SLC6A13: variants seen among roughly 807,000 people sequenced by gnomAD.
SLC6A13 encodes the protein solute carrier family 6 member 13.
A neutral mutation model predicts 72.9 loss-of-function variants in SLC6A13; 69 were observed. That is an observed-to-expected ratio of 0.95 (90% CI 0.78 to 1.16). SLC6A13 has a LOEUF of 1.16. SLC6A13 is among the 50% of genes most tolerant of loss of function. The pLI, the probability that SLC6A13 is intolerant of heterozygous loss-of-function variation, is 0.00. For missense variants in SLC6A13, 735 were observed against 760.5 expected (o/e 0.97, Z 0.39); for synonymous variants, 303 against 303.0 (o/e 1.00, Z 0.00).
chr12:227,733 G>T, intron 7 of SLC6A13, 65 bp from the exon 8 acceptor site: 1 of 1,392,818 alleles, frequency 7.2e-7, no homozygotes, highest in Non-Finnish European at 9.9e-7. Flanking sequence ...GCCATGGGCG[G>T]ACACAGGCAT....
intron 5 of SLC6A13, among the ~76,000 whole-genome samples, chr12:237,672 C>T (rs1941986905): frequency 1.3e-5 from 2 of 152,080 alleles, no homozygotes; most frequent in South Asian, 4.2e-4. Context: ...AGTGAGAGCA[C>T]ATATGCACAC....
chr12:235,962 A>G (rs536837704), intron 6 of SLC6A13, among the ~76,000 whole-genome samples: 14 of 152,240 alleles, frequency 9.2e-5, no homozygotes, highest in Admixed American at 6.5e-4. Flanking sequence ...TAGGGTGGGG[A>G]AAAACTCTGC....
chr12:245,398 T>C (rs909138768), intron 2 of SLC6A13, among the ~76,000 whole-genome samples: 1 of 152,270 alleles, frequency 6.6e-6, no homozygotes, highest in Non-Finnish European at 1.5e-5. Flanking sequence ...AAATACGAAA[T>C]TGGCCGGGTG....
chr12:243,854 C>G lies in SLC6A13; in HGVS notation c.203-41G>C, dbSNP rs1177945137. On this transcript the variant is annotated intron_variant, in intron 2 of 14. Transcript: ENST00000343164. ...AGGCTGTTCATTTCCTGGGACTATTCTCCTCATGGTCTGCATTCACCTCCT... is the reference window on the plus strand; with the variant it reads ...AGGCTGTTCATTTCCTGGGACTATTGTCCTCATGGTCTGCATTCACCTCCT... 1.1e-5 allele frequency: 18 copies of G among 1,601,704 alleles called. No individual in the cohort carries two copies. In the Admixed American group the frequency reaches 3.0e-4, roughly 27 times the overall value.
intron 8 of SLC6A13, 91 bp from the exon 9 acceptor site, chr12:226,605 C>G: frequency 1.4e-6 from 2 of 1,464,280 alleles, no homozygotes. Flanking sequence ...ACAGCCCCTC[C>G]TGGCGGACAC....
chr12:258,945 A>T (rs1591875285), intron 2 of SLC6A13: 3 of 985,628 alleles, frequency 3.0e-6, no homozygotes, highest in Non-Finnish European at 3.6e-6. Context: ...GGAAAAAGAC[A>T]CAAGACCAAG....
At chr12:239,472 C>G (rs935866396) in intron 4 of SLC6A13, among the ~76,000 whole-genome samples, 1 of 152,194 alleles carries the variant, frequency 6.6e-6, no homozygotes. Flanking sequence ...CAGACCAATG[C>G]TGAAGGGGCA....
chr12:233,804 C>T (rs1389545812), intron 7 of SLC6A13, among the ~76,000 whole-genome samples: 1 of 152,078 alleles, frequency 6.6e-6, no homozygotes, highest in Non-Finnish European at 1.5e-5. Flanking sequence ...AGCTGTGAAC[C>T]CAAGAAGGGA....
intron 7 of SLC6A13, among the ~76,000 whole-genome samples, chr12:229,206 A>G (rs1053093490): frequency 4.6e-5 from 7 of 152,202 alleles, no homozygotes; most frequent in Non-Finnish European, 8.8e-5. Context: ...ATGAAATGCA[A>G]GAAAAGGACA....
At chr12:260,839 T>C (rs930518036) in intron 1 of SLC6A13, among the ~76,000 whole-genome samples, 4 of 152,230 alleles carry the variant, frequency 2.6e-5, no homozygotes, top group African/African-American at 7.2e-5. Flanking sequence ...AGTTGGGTTA[T>C]AGGAACATTT....
rs1002524029 is a variant in SLC6A13, at chr12:224,751, G to A, written c.1061-238C>T. Among the ~76,000 whole-genome samples, 48 of 152,200 alleles carry A rather than the reference G, an allele frequency of 3.2e-4. 1 individual carries two copies. Among genetic ancestry groups the A allele is most frequent in the African/African-American group, 1.0e-3 (42 of 41,442 alleles). ...ACTGGCAAGAACAGAATCTAGAGAC[G>A]GTAGGTGTAGAGGGCTGTGGGTCTA... On this transcript the variant is annotated intron_variant, in intron 9 of 14. Coordinates refer to ENST00000343164, the MANE Select transcript of SLC6A13 (RefSeq NM_016615.5).
rs1358037747 is a variant in SLC6A13, at chr12:259,854, C to T, written c.199G>A (p.Gly67Arg). The change falls in exon 2 of 15, where the codon GGA becomes AGA. Residue 67 changes from glycine to arginine, a missense_variant. Physicochemically the swap from Gly to Arg is moderately radical, Grantham distance 125 (BLOSUM62 -2). Transcript: ENST00000343164. Reference protein sequence around the residue: ...RFPYLCYKNGGGAFFIPYLVF... With the variant: ...RFPYLCYKNGRGAFFIPYLVF... The stretch of plus-strand genomic sequence containing the variant: ...GGCACAAGGGCTCTCATCTCACCTC[C>T]CCCATTTTTGTAGCAGAGATAGGGA... 1.9e-6 allele frequency: 3 copies of T among 1,614,088 alleles called. No homozygotes were observed. The highest frequency in any genetic ancestry group is 2.5e-6 in the Non-Finnish European group (3 of 1,180,048).
chr12:251,215 T>C (rs116078782), intron 2 of SLC6A13, among the ~76,000 whole-genome samples: 2,628 of 151,272 alleles, frequency 0.017, 80 homozygotes, highest in African/African-American at 0.06. Context: ...TAATTCCACC[T>C]GGTATTTATA....
At chr12:245,144 AG>A (rs1054441671) in intron 2 of SLC6A13, among the ~76,000 whole-genome samples, 1 of 152,234 alleles carries the variant, frequency 6.6e-6, no homozygotes, top group African/African-American at 2.4e-5. Context: ...GAGAAAACTG[AG>A]GTGAGGGAAA....
intron 4 of SLC6A13, among the ~76,000 whole-genome samples, chr12:240,033 C>T (rs2137292281): frequency 6.6e-6 from 1 of 152,206 alleles, no homozygotes; most frequent in East Asian, 1.9e-4. Flanking sequence ...GAAGCAAAAG[C>T]TCTAGGCCAC....
intron 7 of SLC6A13, among the ~76,000 whole-genome samples, chr12:228,688 C>T (rs1474628670): frequency 2.0e-5 from 3 of 152,172 alleles, no homozygotes; most frequent in Non-Finnish European, 4.4e-5. Context: ...ACCCTCAGCC[C>T]CTACCCCTTG....
intron 2 of SLC6A13, among the ~76,000 whole-genome samples, chr12:251,876 T>C (rs112798888): frequency 6.6e-6 from 1 of 152,036 alleles, no homozygotes; most frequent in Non-Finnish European, 1.5e-5. Flanking sequence ...GGTGGGAAGA[T>C]CATTTGAGCT....
intron 13 of SLC6A13, among the ~76,000 whole-genome samples, chr12:221,844 C>T (rs926251746): frequency 1.3e-5 from 2 of 152,230 alleles, no homozygotes; most frequent in African/African-American, 2.4e-5. Flanking sequence ...ACTACCTCTC[C>T]TGCACCGTGA....
intron 2 of SLC6A13, among the ~76,000 whole-genome samples, chr12:257,956 G>T (rs1046211857): frequency 2.0e-5 from 3 of 152,162 alleles, no homozygotes; most frequent in Admixed American, 2.0e-4. Flanking sequence ...AGCTAAGCTG[G>T]TTACCAGGTT....
Sources: allele counts gnomAD v4.1 joint callset (sites outside exome capture counted in the v4.1 genomes callset), GRCh38; gene constraint gnomAD v4.1.1; transcripts MANE v1.5; gene names NCBI Gene and HGNC (gene_info 2026-07-23, HGNC 2026-07-21).